Variants in EYS observed in about 807,000 individuals in gnomAD.
EYS encodes the protein protein eyes shut homolog.
A neutral mutation model predicts 282.1 loss-of-function variants in EYS; 250 were observed. That is an observed-to-expected ratio of 0.89 (90% CI 0.80 to 0.98). The LOEUF is 0.98. Ranked by LOEUF, EYS falls within the 50% of genes least tolerant of loss-of-function variation. The pLI is 0.00. For synonymous variants in EYS, 1,355 were observed against 1,282.9 expected, an observed-to-expected ratio of 1.06 and a Z score of -1.20; for missense variants, 4,016 against 3,709.0, an observed-to-expected ratio of 1.08 and a Z score of -2.15.
chr6:65,687,320 A>AT (rs1302556333), intron 1 of EYS, among the ~76,000 whole-genome samples: 1 of 152,164 alleles, frequency 6.6e-6, no homozygotes, highest in Non-Finnish European at 1.5e-5. Flanking sequence ...ATCTATAAAC[A>AT]TAACAGTCCA....
rs974158088 is a variant in EYS, at chr6:64,094,832, G to T, written c.6425-12830C>A. Among the ~76,000 whole-genome samples the T allele has an allele frequency of 5.9e-5, 9 of 152,080 alleles. No individual in the cohort carries two copies. The South Asian group carries it at 1.0e-3, about 18-fold the overall frequency. On this transcript the variant is annotated intron_variant, in intron 31 of 42. Transcript: ENST00000503581. ...GTTTGCTCTTGCTTCTCTAGTTCTT[G>T]TAATTGTGATGTTAGGGTGTCAATT...
At chr6:63,749,713 G>T (rs1769295696) in intron 41 of EYS, among the ~76,000 whole-genome samples, 1 of 152,164 alleles carries the variant, frequency 6.6e-6, no homozygotes, top group Non-Finnish European at 1.5e-5. Context: ...CCTGTGGTGA[G>T]AGTGGGTTGT....
intron 14 of EYS, among the ~76,000 whole-genome samples, chr6:64,954,738 A>C (rs2150101843): frequency 6.6e-6 from 1 of 152,270 alleles, no homozygotes; most frequent in East Asian, 1.9e-4. Flanking sequence ...AGCTTCGTCA[A>C]TTTTTCCCCC....
intron 35 of EYS, among the ~76,000 whole-genome samples, chr6:63,891,967 C>T (rs943526230): frequency 3.3e-5 from 5 of 152,158 alleles, no homozygotes; most frequent in Admixed American, 1.3e-4. Flanking sequence ...TATGAGCAAA[C>T]TCACATTTAC....
At chr6:65,074,861 G>A (rs536566642) in intron 12 of EYS, among the ~76,000 whole-genome samples, 1 of 151,972 alleles carries the variant, frequency 6.6e-6, no homozygotes, top group Admixed American at 6.6e-5. Context: ...AAGATGATGG[G>A]TGGGACCTCA....
intron 29 of EYS, among the ~76,000 whole-genome samples, chr6:64,373,127 G>A (rs1375079773): frequency 2.0e-5 from 3 of 152,200 alleles, no homozygotes; most frequent in Non-Finnish European, 4.4e-5. Context: ...TTGGAGGTAA[G>A]AAGACACTCT....
chr6:64,940,173 C>A (rs963765711), intron 15 of EYS, among the ~76,000 whole-genome samples: 3 of 151,966 alleles, frequency 2.0e-5, no homozygotes, highest in African/African-American at 7.2e-5. Context: ...AAGCTCAAGT[C>A]GGTAAGTCCT....
chr6:65,198,309 G>C (rs1463998481), intron 12 of EYS, among the ~76,000 whole-genome samples: 1 of 152,046 alleles, frequency 6.6e-6, no homozygotes, highest in African/African-American at 2.4e-5. Context: ...CGAAAGATCT[G>C]CCTGAGGTTG....
chr6:64,392,164 C>G (rs1326372751), intron 28 of EYS, among the ~76,000 whole-genome samples: 1 of 150,786 alleles, frequency 6.6e-6, no homozygotes, highest in Non-Finnish European at 1.5e-5. Context: ...TAGACTCCCA[C>G]ACATTAATAA....
At chr6:64,989,521 TTATAA>T (rs955549854) in intron 14 of EYS, among the ~76,000 whole-genome samples, 1 of 132,686 alleles carries the variant, frequency 7.5e-6, no homozygotes, top group African/African-American at 2.8e-5. Flanking sequence ...ATACATAAAA[TTATAA>T]TATATATTAT....
intron 35 of EYS, among the ~76,000 whole-genome samples, chr6:63,976,317 A>G (rs755980077): frequency 1.3e-5 from 2 of 152,096 alleles, no homozygotes; most frequent in African/African-American, 4.8e-5. Context: ...TAGCCACAAC[A>G]TCACCAGAAA....
At chr6:63,951,634 A>G (rs939143454) in intron 35 of EYS, among the ~76,000 whole-genome samples, 15 of 152,002 alleles carry the variant, frequency 9.9e-5, no homozygotes, top group Non-Finnish European at 2.1e-4. Flanking sequence ...CCTCTACCCT[A>G]TAATCCTTTT....
In EYS at chr6:64,708,953, C is replaced by T. The variant is rs1463464382; in HGVS notation, c.3444-82708G>A. On this transcript the variant is annotated intron_variant, in intron 22 of 42. Transcript: ENST00000503581. ...GCAGACCATTCCCAGTTTTTGACAT[C>T]GTGTTTAATTTGAATATTGTATTAA... Among the ~76,000 whole-genome samples, 10 of 152,002 alleles carry T rather than the reference C, an allele frequency of 6.6e-5. No homozygotes were observed. In the South Asian group the frequency reaches 8.3e-4, roughly 13 times the overall value.
At chr6:65,448,033 T>C (rs1768742224) in intron 5 of EYS, among the ~76,000 whole-genome samples, 1 of 152,042 alleles carries the variant, frequency 6.6e-6, no homozygotes, top group Admixed American at 6.6e-5. Context: ...CGATGAAGTG[T>C]TGTTCAGCAG....
At chr6:63,865,283 A>G (rs1772645134) in intron 35 of EYS, among the ~76,000 whole-genome samples, 1 of 152,210 alleles carries the variant, frequency 6.6e-6, no homozygotes, top group Non-Finnish European at 1.5e-5. Context: ...ATAAATAGCT[A>G]ATACTTAGCA....
chr6:64,633,112 A>G (rs2149863080), intron 22 of EYS, among the ~76,000 whole-genome samples: 1 of 152,280 alleles, frequency 6.6e-6, no homozygotes, highest in East Asian at 1.9e-4. Context: ...GAGTAATTCT[A>G]TTGTCACTAT....
intron 12 of EYS, among the ~76,000 whole-genome samples, chr6:65,136,448 C>T (rs566967686): frequency 1.5e-4 from 23 of 151,998 alleles, no homozygotes; most frequent in African/African-American, 3.4e-4. Flanking sequence ...TGAGCTACTT[C>T]GAGAAAACTA....
chr6:64,295,481 GAAGAAGAAGAAGAAGA>G (rs1423491007), intron 30 of EYS, among the ~76,000 whole-genome samples: 4 of 42,092 alleles, frequency 9.5e-5, no homozygotes, highest in South Asian at 1.8e-3. Flanking sequence ...AGAAGAAGAA[GAAGAAGAAGAAGAAGA>G]AAGAAGAAAG....
chr6:64,538,357 T>A (rs969614857), intron 26 of EYS, among the ~76,000 whole-genome samples: 7 of 152,230 alleles, frequency 4.6e-5, no homozygotes, highest in Non-Finnish European at 1.5e-5. Context: ...TAACTTTGAT[T>A]TCTGAATTGA....
Sources: gnomAD v4.1 joint callset for allele counts (sites outside exome capture counted in the v4.1 genomes callset) on GRCh38, gnomAD v4.1.1 for gene constraint, MANE v1.5 for transcripts, NCBI Gene and HGNC (gene_info 2026-07-23, HGNC 2026-07-21) for gene names.